Variants in RBMS2 observed in about 807,000 individuals in gnomAD.
RBMS2 encodes RNA-binding motif, single-stranded-interacting protein 2.
In RBMS2, 38 loss-of-function variants were observed where a neutral mutation model predicts 58.4. The observed-to-expected ratio is 0.65, with a 90% CI of 0.50 to 0.85. The LOEUF is 0.85. Among genes scored for constraint, RBMS2 ranks in the 40% least tolerant of loss-of-function variants. The pLI, the probability that RBMS2 is intolerant of heterozygous loss-of-function variation, is 0.00. For synonymous variants in RBMS2, 151 were observed against 180.7 expected, an observed-to-expected ratio of 0.84 and a Z score of 1.32; for missense variants, 367 against 503.7, an observed-to-expected ratio of 0.73 and a Z score of 2.60.
chr12:56,550,067 C>A (rs1272272379), intron 1 of RBMS2, among the ~76,000 whole-genome samples: 5 of 152,106 alleles, frequency 3.3e-5, no homozygotes, highest in Admixed American at 3.3e-4. Context: ...TTTCCTTAAT[C>A]CTCCTATACT....
chr12:56,532,915 T>C (rs1035401695), intron 1 of RBMS2, among the ~76,000 whole-genome samples: 7 of 143,584 alleles, frequency 4.9e-5, no homozygotes, highest in Non-Finnish European at 6.2e-5. Flanking sequence ...TTTATTACTC[T>C]CTTGCTTTTT....
intron 10 of RBMS2, 144 bp downstream of exon 10, chr12:56,587,070 A>G: frequency 2.5e-6 from 2 of 810,752 alleles, no homozygotes; most frequent in Middle Eastern, 3.2e-4. Context: ...GTTCGAGACC[A>G]GCCTGGCCAA....
intron 1 of RBMS2, among the ~76,000 whole-genome samples, chr12:56,550,903 G>A (rs1423343449): frequency 6.6e-6 from 1 of 151,286 alleles, no homozygotes; most frequent in Non-Finnish European, 1.5e-5. Flanking sequence ...ATAGGCTGAG[G>A]CAGGAGGATT....
intron 2 of RBMS2, among the ~76,000 whole-genome samples, chr12:56,564,136 G>T (rs1385172793): frequency 6.6e-6 from 1 of 151,044 alleles, no homozygotes; most frequent in African/African-American, 2.4e-5. Context: ...TTTTTTGCTA[G>T]AGATGGGGTT....
At position 56,536,691 on chromosome 12, in the gene RBMS2, C is replaced by T. The variant is rs147899384; in HGVS notation, c.66+14602C>T. On this transcript the variant is annotated intron_variant, in intron 1 of 13. Coordinates refer to ENST00000262031, the MANE Select transcript of RBMS2 (RefSeq NM_002898.4). ...CAAGCAATTATCCTGCCTCAGCCTT[C>T]CTAGTAGCTGGGACTACAGGCGTTT... 8.6e-5 allele frequency among the ~76,000 whole-genome samples: 13 copies of T among 151,382 alleles called. No homozygotes were observed. The East Asian group carries it at 2.5e-3, about 30-fold the overall frequency.
chr12:56,536,922 C>CTTT (rs975256484), intron 1 of RBMS2, among the ~76,000 whole-genome samples: 2 of 131,646 alleles, frequency 1.5e-5, no homozygotes. Context: ...CCATCTTGAA[C>CTTT]TTTTTTTTTT....
Position 56,589,396 on chromosome 12 carries a change from C to T in RBMS2, c.*263C>T. The T allele has an allele frequency of 1.0e-6, 1 of 955,238 alleles. No homozygotes were observed. The highest frequency in any genetic ancestry group is 1.3e-6 in the Non-Finnish European group (1 of 753,596). 59.2% of individuals were successfully genotyped at this position (955,238 alleles called of 1,614,324 possible). A position where few individuals can be genotyped will look rare whatever the true frequency, so the allele number is the denominator to read the frequency against. ...CAAGGAGATCAAAAAAACTTTTCTT[C>T]TTTTGCAAAGAAAGCTTTTTGTTTT... On this transcript the variant is annotated 3_prime_UTR_variant, in exon 14 of 14. Transcript: ENST00000262031.
chr12:56,582,723 C>T (rs1191907887), intron 9 of RBMS2, among the ~76,000 whole-genome samples: 2 of 152,294 alleles, frequency 1.3e-5, no homozygotes, highest in East Asian at 1.9e-4. Flanking sequence ...GGCTGGAATG[C>T]AGTGGTGCAA....
intron 5 of RBMS2, among the ~76,000 whole-genome samples, chr12:56,575,683 T>C (rs1016841073): frequency 1.3e-5 from 2 of 151,710 alleles, no homozygotes; most frequent in Admixed American, 6.6e-5. Flanking sequence ...TCACCTGAGG[T>C]CGGGAGTTCG....
At chr12:56,588,208 TGTCA>T (rs1343137725) in intron 11 of RBMS2, 82 bp from the exon 12 acceptor site, 2 of 1,012,308 alleles carry the variant, frequency 2.0e-6, no homozygotes, top group Non-Finnish European at 3.1e-6. Context: ...AGAATACAGG[TGTCA>T]GTATTTTTTT....
intron 1 of RBMS2, among the ~76,000 whole-genome samples, chr12:56,559,746 G>A (rs1463393443): frequency 1.4e-5 from 2 of 147,134 alleles, no homozygotes; most frequent in African/African-American, 2.5e-5. Flanking sequence ...AGCTACTCAG[G>A]AGCCTGAGGC....
At position 56,524,103 on chromosome 12, in the gene RBMS2, C is replaced by T. The variant is rs867856605; in HGVS notation, c.66+2014C>T. Reference sequence around the variant, plus strand: ...TTTTTGCTCTCTGCTCCCTCTCCCACCTTGGAGTATAGGAAAAAGTTAATT... The same window carrying T: ...TTTTTGCTCTCTGCTCCCTCTCCCATCTTGGAGTATAGGAAAAAGTTAATT... On this transcript the variant is annotated intron_variant, in intron 1 of 13. Transcript: ENST00000262031. Among the ~76,000 whole-genome samples the T allele has an allele frequency of 1.2e-4, 18 of 152,180 alleles. 1 individual carries two copies. Among genetic ancestry groups the T allele is most frequent in the African/African-American group, 4.3e-4 (18 of 41,510 alleles).
chr12:56,589,874 C>T lies in RBMS2; in HGVS notation c.*741C>T. ...GTGGAATTTGGGGTTGGGGGGCAGG[C>T]TGGGCAAGGAACAAGGCAGAACACT... is the stretch of plus-strand genomic sequence containing the variant. On this transcript the variant is annotated 3_prime_UTR_variant, in exon 14 of 14. Transcript: ENST00000262031. 6.5e-6 allele frequency: 1 copy of T among 152,702 alleles called. No individual in the cohort carries two copies. The highest frequency in any genetic ancestry group is 1.5e-5 in the Non-Finnish European group (1 of 68,148). The allele number at this position is 152,702 out of a possible 1,614,324, so 9.5% of individuals were successfully genotyped here. A position where few individuals can be genotyped will look rare whatever the true frequency, so the allele number is the denominator to read the frequency against.
chr12:56,530,242 A>G (rs1221538896), intron 1 of RBMS2, among the ~76,000 whole-genome samples: 1 of 149,376 alleles, frequency 6.7e-6, no homozygotes, highest in African/African-American at 2.5e-5. Context: ...CGTGTATGGT[A>G]TGTGAATTAT....
chr12:56,543,511 C>CT (rs78482928), intron 1 of RBMS2, among the ~76,000 whole-genome samples: 2,258 of 134,544 alleles, frequency 0.017, 52 homozygotes, highest in Admixed American at 0.051. Flanking sequence ...TGAGAGTCAC[C>CT]TTTTTTTTTT....
Position 56,594,724 on chromosome 12 carries a change from G to A in RBMS2, c.*5591G>A, listed in dbSNP as rs1885582722. ...AGTCCCCACATGATTACAAAAGCCAGGTGCCCTCATCACCCGTTACCCCTG... is the reference window on the plus strand; with the variant it reads ...AGTCCCCACATGATTACAAAAGCCAAGTGCCCTCATCACCCGTTACCCCTG... On this transcript the variant is annotated 3_prime_UTR_variant, in exon 14 of 14. Transcript: ENST00000262031. The A allele has an allele frequency of 6.6e-6, 1 of 152,098 alleles. No individual in the cohort carries two copies. Among genetic ancestry groups the A allele is most frequent in the South Asian group, 2.1e-4 (1 of 4,828 alleles). 9.4% of individuals were successfully genotyped at this position (152,098 alleles called of 1,614,324 possible). A position where few individuals can be genotyped will look rare whatever the true frequency, so the allele number is the denominator to read the frequency against.
At chr12:56,541,435 C>T (rs1302751373) in intron 1 of RBMS2, among the ~76,000 whole-genome samples, 3 of 151,868 alleles carry the variant, frequency 2.0e-5, no homozygotes, top group Non-Finnish European at 4.4e-5. Context: ...TAACCTTTAC[C>T]CCACTATTTC....
intron 1 of RBMS2, among the ~76,000 whole-genome samples, chr12:56,534,808 A>G (rs942796101): frequency 3.3e-5 from 5 of 151,806 alleles, no homozygotes; most frequent in African/African-American, 1.2e-4. Context: ...TGCCCGGCTA[A>G]TTTTTTGTAT....
intron 1 of RBMS2, among the ~76,000 whole-genome samples, chr12:56,550,533 C>CA (rs976097437): frequency 3.3e-5 from 5 of 151,194 alleles, no homozygotes; most frequent in Non-Finnish European, 7.4e-5. Context: ...GACCCTTTCT[C>CA]AAAAAAACAA....
Sources: gnomAD v4.1 joint callset for allele counts (sites outside exome capture counted in the v4.1 genomes callset) on GRCh38, gnomAD v4.1.1 for gene constraint, MANE v1.5 for transcripts, NCBI Gene and HGNC (gene_info 2026-07-23, HGNC 2026-07-21) for gene names.